Variants in IQCM observed in about 807,000 individuals in gnomAD.
IQCM encodes IQ motif containing M.
A neutral mutation model predicts 57.6 loss-of-function variants in IQCM; 45 were observed. The observed-to-expected ratio is 0.78, with a 90% CI of 0.62 to 1.00. IQCM has a LOEUF of 1.00. Ranked by LOEUF, IQCM falls within the 50% of genes least tolerant of loss-of-function variation. The pLI is 0.00. For missense variants in IQCM, 468 were observed against 511.6 expected, an observed-to-expected ratio of 0.91 and a Z score of 0.82; for synonymous variants, 148 against 158.9, an observed-to-expected ratio of 0.93 and a Z score of 0.51.
At chr4:149,648,655 A>G (rs1758868766) in intron 7 of IQCM, among the ~76,000 whole-genome samples, 1 of 152,186 alleles carries the variant, frequency 6.6e-6, no homozygotes, top group Non-Finnish European at 1.5e-5. Context: ...AGGACAAAAA[A>G]CCAAACACCG....
At chr4:149,760,267 A>T (rs2149960623) in intron 2 of IQCM, among the ~76,000 whole-genome samples, 1 of 152,284 alleles carries the variant, frequency 6.6e-6, no homozygotes. Context: ...AAATATACCA[A>T]CAAGAAAGCC....
chr4:149,810,680 A>G (rs1483765781), intron 2 of IQCM, among the ~76,000 whole-genome samples: 1 of 151,844 alleles, frequency 6.6e-6, no homozygotes, highest in Non-Finnish European at 1.5e-5. Flanking sequence ...TCAAACCCCT[A>G]ACCTCGTGAT....
chr4:149,388,729 C>T (rs1731626443), intron 13 of IQCM, among the ~76,000 whole-genome samples: 1 of 142,464 alleles, frequency 7.0e-6, no homozygotes, highest in Admixed American at 7.1e-5. Context: ...CTTTCTCTGA[C>T]ATATATATAT....
intron 13 of IQCM, among the ~76,000 whole-genome samples, chr4:149,403,571 G>A (rs1732769799): frequency 6.6e-6 from 1 of 151,560 alleles, no homozygotes; most frequent in Admixed American, 6.6e-5. Flanking sequence ...TGAAACTTTA[G>A]GCCAATTTTT....
chr4:149,422,267 C>G (rs1286073321), intron 13 of IQCM, among the ~76,000 whole-genome samples: 4 of 151,906 alleles, frequency 2.6e-5, no homozygotes, highest in Non-Finnish European at 5.9e-5. Context: ...AATAGGCATA[C>G]AAAGCAAGAT....
At chr4:149,388,684 G>T (rs1443387089) in intron 13 of IQCM, among the ~76,000 whole-genome samples, 1 of 141,928 alleles carries the variant, frequency 7.0e-6, no homozygotes, top group African/African-American at 2.6e-5. Flanking sequence ...TATAGGCAAA[G>T]AATGAGGATA....
chr4:149,553,272 G>T lies in IQCM; in HGVS notation c.964C>A (p.Pro322Thr), dbSNP rs1286115886. The T allele has an allele frequency of 6.5e-6, 8 of 1,231,654 alleles. No homozygotes were observed. The highest frequency in any genetic ancestry group is 8.1e-6 in the Non-Finnish European group (8 of 987,760). 76.3% of individuals were successfully genotyped at this position (1,231,654 alleles called of 1,614,324 possible). Residue 322 changes from proline to threonine, a missense_variant, in exon 11 of 14, where the codon CCA becomes ACA. By Grantham distance (38) the Pro-to-Thr change is conservative. Transcript: ENST00000636793. ...RVMTKALDHG[P>T]DMKAVINMYG... Reference sequence around the variant, plus strand: ...ATGTTAATAACTGCTTTCATATCTGGTCCATGATCCAAAGCCTACAAAGAC... The same window carrying T: ...ATGTTAATAACTGCTTTCATATCTGTTCCATGATCCAAAGCCTACAAAGAC...
chr4:149,595,950 G>C (rs1014407471), intron 8 of IQCM, among the ~76,000 whole-genome samples: 1 of 152,122 alleles, frequency 6.6e-6, no homozygotes, highest in African/African-American at 2.4e-5. Context: ...AATAGCCATG[G>C]CTTCAAAAAG....
At chr4:149,781,541 T>C (rs1771603048) in intron 2 of IQCM, among the ~76,000 whole-genome samples, 1 of 152,086 alleles carries the variant, frequency 6.6e-6, no homozygotes, top group South Asian at 2.1e-4. Context: ...AGTGCAAGAG[T>C]AGTGATGCTG....
chr4:149,528,905 A>G (rs1372401297), intron 12 of IQCM, among the ~76,000 whole-genome samples: 1 of 152,122 alleles, frequency 6.6e-6, no homozygotes, highest in Non-Finnish European at 1.5e-5. Context: ...ATAAGAAGTA[A>G]AAGTATTTTT....
chr4:149,682,258 TACAAATCTTCAACACTA>T (rs1762233196), intron 6 of IQCM, 52 bp from the exon 7 acceptor site: 5 of 773,404 alleles, frequency 6.5e-6, no homozygotes, highest in Admixed American at 4.4e-5. Context: ...TATTTTGTAA[TACAAATCTTCAACACTA>T]AAGTTATGGA....
At chr4:149,782,453 T>A (rs1316504004) in intron 2 of IQCM, among the ~76,000 whole-genome samples, 1 of 152,030 alleles carries the variant, frequency 6.6e-6, no homozygotes, top group East Asian at 1.9e-4. Flanking sequence ...CTCTACAATT[T>A]TTTTTTACTT....
chr4:149,785,697 T>C (rs116115594), intron 2 of IQCM, among the ~76,000 whole-genome samples: 3,396 of 152,276 alleles, frequency 0.022, 65 homozygotes, highest in South Asian at 0.035. Context: ...TTAGATCTTT[T>C]AGGCTTTTTT....
chr4:149,469,317 C>G (rs564777426), intron 12 of IQCM, among the ~76,000 whole-genome samples: 1 of 152,126 alleles, frequency 6.6e-6, no homozygotes, highest in African/African-American at 2.4e-5. Flanking sequence ...ACAAGAACTA[C>G]GTGACGAATC....
At chr4:149,376,922 G>A (rs952461573) in intron 13 of IQCM, among the ~76,000 whole-genome samples, 5 of 152,032 alleles carry the variant, frequency 3.3e-5, no homozygotes, top group African/African-American at 9.7e-5. Flanking sequence ...GGAAAAATCA[G>A]TAGGGTAAAA....
intron 5 of IQCM, among the ~76,000 whole-genome samples, chr4:149,722,270 C>A (rs773564126): frequency 1.5e-4 from 23 of 152,014 alleles, no homozygotes; most frequent in Non-Finnish European, 2.7e-4. Context: ...TGAATATTTC[C>A]TTTTCAGGAC....
Position 149,590,179 on chromosome 4 carries a change from T to G in IQCM, c.682-2182A>C, listed in dbSNP as rs752810548. Among the ~76,000 whole-genome samples the G allele has an allele frequency of 9.9e-5, 15 of 151,882 alleles. No individual in the cohort carries two copies. The South Asian group carries it at 1.2e-3, about 13-fold the overall frequency. ...TCTATTTTCTCTCTTCCAACTTCAC[T>G]GCCTTTGCAACCTCCATTGATGTTT... On this transcript the variant is annotated intron_variant, in intron 8 of 13. Coordinates refer to ENST00000636793, the MANE Select transcript of IQCM (RefSeq NM_001363507.2).
chr4:149,700,195 T>C (rs1257568539), intron 5 of IQCM, among the ~76,000 whole-genome samples: 2 of 152,040 alleles, frequency 1.3e-5, no homozygotes, highest in African/African-American at 4.8e-5. Context: ...TACACAAAGA[T>C]TTTAAAACTT....
intron 13 of IQCM, among the ~76,000 whole-genome samples, chr4:149,391,450 T>C (rs1731850373): frequency 1.3e-5 from 2 of 152,026 alleles, no homozygotes; most frequent in South Asian, 4.1e-4. Flanking sequence ...GTGGGTTTTG[T>C]TGAATTTCAA....
Sources: gnomAD v4.1 joint callset for allele counts (sites outside exome capture counted in the v4.1 genomes callset) on GRCh38, gnomAD v4.1.1 for gene constraint, MANE v1.5 for transcripts, NCBI Gene and HGNC (gene_info 2026-07-23, HGNC 2026-07-21) for gene names.